REC8: variants seen among roughly 807,000 people sequenced by gnomAD.
The protein encoded by REC8 is meiotic recombination protein REC8 homolog.
Under a neutral mutation model 78.3 loss-of-function variants are expected in REC8, and 42 were observed. That is an observed-to-expected ratio of 0.54 (90% CI 0.42 to 0.69). The LOEUF (loss-of-function observed/expected upper bound fraction) is 0.69, where lower values mean the gene tolerates loss of function less well. Among genes scored for constraint, REC8 ranks in the 30% least tolerant of loss-of-function variants. REC8 has a pLI of 0.00. For missense variants in REC8, 581 were observed against 715.8 expected, an observed-to-expected ratio of 0.81 and a Z score of 2.15; for synonymous variants, 268 against 274.1, an observed-to-expected ratio of 0.98 and a Z score of 0.22.
chr14:24,179,747 T>G lies in REC8; in HGVS notation c.1451+21T>G, dbSNP rs553903439. The stretch of plus-strand genomic sequence containing the variant: ...CACAGGTACCAGGGAGGTGGCACCT[T>G]GATGGGGTGGACCCGGGCTGAAGCC... On this transcript the variant is annotated intron_variant, in intron 17 of 18. Coordinates refer to ENST00000611366, the MANE Select transcript of REC8 (RefSeq NM_001048205.2). 4.3e-6 allele frequency: 7 copies of G among 1,614,140 alleles called. No individual in the cohort carries two copies. In the South Asian group the frequency reaches 7.7e-5, roughly 18 times the overall value.
rs778211840 is a variant in REC8 at position 24,172,312 on chromosome 14, T to C, written c.-241T>C. ...TTTGACGCATCACGTGGCGTGCGGATCCACTGAGGGTCCACAGAGAGGGGC... is the reference window on the plus strand; with the variant it reads ...TTTGACGCATCACGTGGCGTGCGGACCCACTGAGGGTCCACAGAGAGGGGC... On this transcript the variant is annotated 5_prime_UTR_variant, in exon 1 of 19. Transcript: ENST00000611366. The C allele has an allele frequency of 3.7e-5, 20 of 543,192 alleles. No homozygotes were observed. Among genetic ancestry groups the C allele is most frequent in the Non-Finnish European group, 6.5e-5 (20 of 307,570 alleles). 33.6% of individuals were successfully genotyped at this position (543,192 alleles called of 1,614,324 possible).
chr14:24,176,131 C>G (rs1247103114), intron 6 of REC8, among the ~76,000 whole-genome samples: 1 of 151,136 alleles, frequency 6.6e-6, no homozygotes, highest in Non-Finnish European at 1.5e-5. Context: ...CAGTGGTGCA[C>G]TTTAGGCTCA....
chr14:24,177,538 A>T lies in REC8; in HGVS notation c.811A>T (p.Met271Leu). The T allele has an allele frequency of 6.2e-7, 1 of 1,613,196 alleles. No homozygotes were observed. Among genetic ancestry groups the T allele is most frequent in the Non-Finnish European group, 8.5e-7 (1 of 1,179,368 alleles). The change falls in exon 10 of 19, where the codon ATG (methionine) becomes TTG (leucine). Residue 271 changes from methionine (M) to leucine (L), a missense_variant. Met to Leu is a conservative substitution (Grantham distance 15, BLOSUM62 2). Coordinates refer to ENST00000611366, the MANE Select transcript of REC8 (RefSeq NM_001048205.2). ...LTGWEPGALL[M>L]EVTPPEELRL... ...AGGCTGGGAACCTGGGGCCCTACTC[A>T]TGGGTGAGTGCCCACCATGCCCCAG...
Position 24,179,916 on chromosome 14 carries a change from T to A in REC8, c.1558+10T>A. The A allele has an allele frequency of 6.2e-7, 1 of 1,613,956 alleles. No individual in the cohort carries two copies. The highest frequency in any genetic ancestry group is 1.1e-5 in the South Asian group (1 of 91,076). The stretch of plus-strand genomic sequence containing the variant: ...TTCTACCTGCTCCTGGGTGAGTGTA[T>A]GCATGTGTGTGTGTGTATGTGGGGC... On this transcript the variant is annotated intron_variant, in intron 18 of 18. Transcript: ENST00000611366.
chr14:24,173,455 G>A (rs564181799), intron 5 of REC8, 44 bp downstream of exon 5: 2 of 1,609,618 alleles, frequency 1.2e-6, no homozygotes, highest in Admixed American at 3.3e-5. Flanking sequence ...AATGCAGAAG[G>A]GGAGTGCTGT....
intron 6 of REC8, among the ~76,000 whole-genome samples, 181 bp from the exon 7 acceptor site, chr14:24,176,641 A>G (rs2139132323): frequency 6.6e-6 from 1 of 152,246 alleles, no homozygotes; most frequent in Non-Finnish European, 1.5e-5. Context: ...CACTTTACCG[A>G]TGAGGAAAGT....
chr14:24,178,535 G>A, intron 12 of REC8, 71 bp from the exon 13 acceptor site: 2 of 1,505,010 alleles, frequency 1.3e-6, no homozygotes, highest in Non-Finnish European at 1.8e-6. Flanking sequence ...ACAGTGCATT[G>A]CAAAGAGGCA....
chr14:24,179,280 A>G, intron 15 of REC8, 117 bp from the exon 16 acceptor site: 1 of 1,258,156 alleles, frequency 7.9e-7, no homozygotes, highest in Non-Finnish European at 1.2e-6. Context: ...CAGCTCTCCC[A>G]CCTATGTGCT....
At chr14:24,174,363 C>T (rs990253707) in intron 5 of REC8, among the ~76,000 whole-genome samples, 4 of 151,684 alleles carry the variant, frequency 2.6e-5, no homozygotes, top group South Asian at 4.2e-4. Context: ...CTTCAACCTC[C>T]GCTTCCTCTG....
intron 6 of REC8, among the ~76,000 whole-genome samples, chr14:24,176,354 G>GT (rs2038898018): frequency 8.3e-6 from 1 of 119,780 alleles, no homozygotes; most frequent in Admixed American, 8.1e-5. Flanking sequence ...ACCATACTCG[G>GT]CTTTTTTTTT....
At chr14:24,173,993 G>C (rs2038781911) in intron 5 of REC8, among the ~76,000 whole-genome samples, 1 of 151,172 alleles carries the variant, frequency 6.6e-6, no homozygotes, top group African/African-American at 2.4e-5. Flanking sequence ...AGCCTCCCGA[G>C]TAGCTGGGAC....
chr14:24,175,705 A>G, intron 6 of REC8, 81 bp downstream of exon 6: 1 of 1,106,058 alleles, frequency 9.0e-7, no homozygotes, highest in Non-Finnish European at 1.3e-6. Context: ...TGAGCTTAAG[A>G]GCCAGGCCTT....
At position 24,180,221 on chromosome 14, in the gene REC8, T is replaced by C. The variant is rs754653566; in HGVS notation, c.*126T>C. On this transcript the variant is annotated 3_prime_UTR_variant, in exon 19 of 19. Transcript: ENST00000611366. ...TCCAGCCTTCTTGCTCTCAGAGCTATTGTTCAAGCAGAAAACAAGCTGCTT... is the reference window on the plus strand; with the variant it reads ...TCCAGCCTTCTTGCTCTCAGAGCTACTGTTCAAGCAGAAAACAAGCTGCTT... The C allele has an allele frequency of 1.3e-6, 2 of 1,594,786 alleles. No homozygotes were observed. Among genetic ancestry groups the C allele is most frequent in the Non-Finnish European group, 1.7e-6 (2 of 1,169,056 alleles).
chr14:24,173,847 CTTTT>C (rs1286405739), intron 5 of REC8, among the ~76,000 whole-genome samples: 1 of 152,004 alleles, frequency 6.6e-6, no homozygotes, highest in African/African-American at 2.4e-5. Context: ...CCATTTATTT[CTTTT>C]TTTATTTTAT....
rs10690822 is a variant in REC8, at chr14:24,177,197, GGAA to G, written c.689_691del (p.Glu230del). On this transcript the variant is annotated inframe_deletion, in exon 8 of 19. Coordinates refer to ENST00000611366, the MANE Select transcript of REC8 (RefSeq NM_001048205.2). Reference sequence around the variant, plus strand: ...GAGAACTGGACCTGCTGATCGCAGAGGAAGAAGAAGCTATCTTGTTAGAAAGTA... The same window carrying G: ...GAGAACTGGACCTGCTGATCGCAGAGGAAGAAGCTATCTTGTTAGAAAGTA... The G allele has an allele frequency of 0.015, 24,711 of 1,614,140 alleles. 236 individuals are homozygous for G. The highest frequency in any genetic ancestry group is 0.018 in the Non-Finnish European group (21,733 of 1,179,990).
intron 16 of REC8, 34 bp from the exon 17 acceptor site, chr14:24,179,561 C>G: frequency 6.2e-7 from 1 of 1,614,050 alleles, no homozygotes; most frequent in Non-Finnish European, 8.5e-7. Context: ...ACTGTCACAG[C>G]TGCCACCTTC....
rs2039093524 is a variant in REC8 at position 24,179,994 on chromosome 14, C to G, written c.1559-16C>G. On this transcript the variant is annotated splice_polypyrimidine_tract_variant and intron_variant, in intron 18 of 18. Coordinates refer to ENST00000611366, the MANE Select transcript of REC8 (RefSeq NM_001048205.2). ...AGGGACTCCCCCGACCTGCCCTCTC[C>G]TCGCCTCTTGACCAGTGCTCTCAGC... 1.2e-6 allele frequency: 2 copies of G among 1,614,052 alleles called. No individual in the cohort carries two copies. Among genetic ancestry groups the G allele is most frequent in the Non-Finnish European group, 1.7e-6 (2 of 1,180,040 alleles).
At position 24,179,575 on chromosome 14, in the gene REC8, ACT is replaced by A. The variant is rs763291627; in HGVS notation, c.1320-14_1320-13del. 1.9e-6 allele frequency: 3 copies of A among 1,613,430 alleles called. No individual in the cohort carries two copies. Among genetic ancestry groups the A allele is most frequent in the Admixed American group, 1.7e-5 (1 of 59,950 alleles). On this transcript the variant is annotated intron_variant, in intron 16 of 18. Transcript: ENST00000611366. ...CACTGTCACAGCTGCCACCTTCCCTACTCTCTCATGTCCTCCTAGGGCCTGGC... is the reference window on the plus strand; with the variant it reads ...CACTGTCACAGCTGCCACCTTCCCTACTCTCATGTCCTCCTAGGGCCTGGC...
Position 24,172,894 on chromosome 14 carries a change from C to G in REC8, c.126-5C>G. The stretch of plus-strand genomic sequence containing the variant: ...CAGCGGTAATCAGGGCGCATTGTTC[C>G]CCAGCGAGGAAATCCTCAATTACGT... On this transcript the variant is annotated splice_polypyrimidine_tract_variant and splice_region_variant and intron_variant, in intron 2 of 18. Transcript: ENST00000611366. 6.2e-7 allele frequency: 1 copy of G among 1,613,146 alleles called. No homozygotes were observed. Among genetic ancestry groups the G allele is most frequent in the Non-Finnish European group, 8.5e-7 (1 of 1,180,012 alleles).
Sources: gnomAD v4.1 joint callset for allele counts (sites outside exome capture counted in the v4.1 genomes callset) on GRCh38, gnomAD v4.1.1 for gene constraint, MANE v1.5 for transcripts, NCBI Gene and HGNC (gene_info 2026-07-23, HGNC 2026-07-21) for gene names.